The following DQX1 variants were observed in gnomAD, a reference collection of about 807,000 sequenced individuals.
The protein encoded by DQX1 is ATP-dependent RNA helicase homolog DQX1.
A neutral mutation model predicts 81.3 loss-of-function variants in DQX1; 66 were observed. The ratio of observed to expected loss-of-function variants is 0.81; its 90% CI spans 0.67 to 1.00. DQX1 has a LOEUF of 1.00. Among genes scored for constraint, DQX1 ranks in the 50% least tolerant of loss-of-function variants. The pLI is 0.00. For missense variants in DQX1, 798 were observed against 867.9 expected (o/e 0.92, Z 1.01); for synonymous variants, 290 against 350.0 (o/e 0.83, Z 1.91).
At chr2:74,521,616 C>A (rs574989383) in intron 8 of DQX1, among the ~76,000 whole-genome samples, 1 of 150,734 alleles carries the variant, frequency 6.6e-6, no homozygotes, top group African/African-American at 2.4e-5. Flanking sequence ...TGCCATTGCA[C>A]TCCAGCCTGG....
intron 6 of DQX1, 32 bp downstream of exon 6, chr2:74,523,087 T>C: frequency 1.2e-6 from 2 of 1,606,354 alleles, no homozygotes; most frequent in Non-Finnish European, 1.7e-6. Flanking sequence ...GACTCTTGGG[T>C]TTTTTATTTC....
intron 8 of DQX1, among the ~76,000 whole-genome samples, chr2:74,520,657 G>A (rs961999455): frequency 1.3e-5 from 2 of 151,836 alleles, no homozygotes; most frequent in South Asian, 2.1e-4. Context: ...AGGAAGAGTT[G>A]TGGGGTTTTT....
chr2:74,522,809 A>C, intron 7 of DQX1, 38 bp from the exon 8 acceptor site: 1 of 1,612,572 alleles, frequency 6.2e-7, no homozygotes, highest in African/African-American at 1.3e-5. Context: ...ATGAAGTTTC[A>C]GAACTGGGTG....
chr2:74,519,142 C>T lies in DQX1; in HGVS notation c.1895G>A (p.Ser632Asn), dbSNP rs780363773. The T allele has an allele frequency of 5.0e-6, 8 of 1,613,462 alleles. No homozygotes were observed. The highest frequency in any genetic ancestry group is 6.8e-6 in the Non-Finnish European group (8 of 1,179,744). The change falls in exon 11 of 12, where the codon AGC (serine) becomes AAC (asparagine). Residue 632 changes from serine to asparagine, a missense_variant. Coordinates refer to ENST00000404568, the MANE Select transcript of DQX1 (RefSeq NM_133637.3). ...TGGGGGTCTGGCAGGAGCTCTGCGG[C>T]TTCGGTAGCAGCAGTATGAGGAGAG... ...AQLSSYCCYRSRRAPARPPPW... is the reference protein window; with the variant it reads ...AQLSSYCCYRNRRAPARPPPW...
In DQX1 at chr2:74,525,830, A is replaced by C; in HGVS notation, c.-19-82T>G. The C allele has an allele frequency of 1.0e-6, 1 of 967,220 alleles. No homozygotes were observed. The highest frequency in any genetic ancestry group is 2.6e-5 in the East Asian group (1 of 37,962). 59.9% of individuals were successfully genotyped at this position (967,220 alleles called of 1,614,324 possible). A position where few individuals can be genotyped will look rare whatever the true frequency, so the allele number is the denominator to read the frequency against. ...ACCTCAGCCCTGATCCTTAACCTCTACCTTCAGTTGATCATGCTCTGGGGC... is the reference window on the plus strand; with the variant it reads ...ACCTCAGCCCTGATCCTTAACCTCTCCCTTCAGTTGATCATGCTCTGGGGC... On this transcript the variant is annotated intron_variant, in intron 1 of 11. Transcript: ENST00000404568. This position sits in a 1 kb window ranked among gnomAD's most constrained non-coding sequence, Gnocchi z 4.1.
Position 74,525,035 on chromosome 2 carries a change from G to C in DQX1, c.405C>G (p.Asp135Glu). ...HEVGYSIPQE[D>E]CTGPNTLLRF... ...TGAGCAGGGTGTTGGGCCCCGTGCAGTCCTCCTGGGGGATGCTGTATCCAA... is the reference window on the plus strand; with the variant it reads ...TGAGCAGGGTGTTGGGCCCCGTGCACTCCTCCTGGGGGATGCTGTATCCAA... Residue 135 changes from aspartate to glutamate, a missense_variant, in exon 3 of 12, where the codon GAC becomes GAG. Asp to Glu is a conservative substitution (Grantham distance 45). Transcript: ENST00000404568. This position sits in a 1 kb window ranked among gnomAD's most constrained non-coding sequence, Gnocchi z 4.1. 6.2e-7 allele frequency: 1 copy of C among 1,614,158 alleles called. No homozygotes were observed. The highest frequency in any genetic ancestry group is 8.5e-7 in the Non-Finnish European group (1 of 1,180,014).
chr2:74,519,479 T>G, intron 10 of DQX1, 77 bp downstream of exon 10: 1 of 1,545,734 alleles, frequency 6.5e-7, no homozygotes, highest in East Asian at 2.3e-5. Context: ...GACCCTGATT[T>G]CAAAGTGGCT....
intron 3 of DQX1, among the ~76,000 whole-genome samples, chr2:74,524,691 G>C (rs1675126160): frequency 6.6e-6 from 1 of 152,052 alleles, no homozygotes; most frequent in South Asian, 2.1e-4. Context: ...TTGAGCCCAG[G>C]AGTTTGAGAC....
chr2:74,525,144 G>T lies in DQX1; in HGVS notation c.296C>A (p.Thr99Asn), dbSNP rs946862981. ...LARGFQKGQV[T>N]VTQPYPLAAR... ...TGCAAGAGGGTAGGGCTGAGTAACAGTAACCTGTCCTTTCTGGAACCCTCT... is the reference window on the plus strand; with the variant it reads ...TGCAAGAGGGTAGGGCTGAGTAACATTAACCTGTCCTTTCTGGAACCCTCT... The change falls in exon 3 of 12, where the codon ACT (threonine) becomes AAT (asparagine). Residue 99 changes from threonine (T) to asparagine (N), a missense_variant. Transcript: ENST00000404568. The surrounding 1 kb of genome is among the most constrained non-coding windows in gnomAD (Gnocchi z 4.1). The T allele has an allele frequency of 6.2e-7, 1 of 1,612,884 alleles. No homozygotes were observed. The highest frequency in any genetic ancestry group is 1.3e-5 in the African/African-American group (1 of 74,868).
chr2:74,523,015 C>T lies in DQX1; in HGVS notation c.1145-1G>A, dbSNP rs780550990. 1.9e-5 allele frequency: 31 copies of T among 1,613,974 alleles called. 1 individual carries two copies. The South Asian group carries it at 3.3e-4, about 17-fold the overall frequency. ...TTAGGATACAGGCAGAGGCAGGATC[C>T]TGAGGGGAAAAAGACCTGGGAAAGA... is the stretch of plus-strand genomic sequence containing the variant. On this transcript the variant is annotated splice_acceptor_variant, in intron 6 of 11. Coordinates refer to ENST00000404568, the MANE Select transcript of DQX1 (RefSeq NM_133637.3). LOFTEE classifies it high-confidence loss of function.
In DQX1 at chr2:74,523,143, A is replaced by G. The variant is rs753250249; in HGVS notation, c.1120T>C (p.Leu374=). The change falls in exon 6 of 12, where the codon TTG becomes CTG. Residue 374 remains leucine (L), a synonymous_variant. Coordinates refer to ENST00000404568, the MANE Select transcript of DQX1 (RefSeq NM_133637.3). ...CCTGGTGGGAACCCTCTTGCTCGCA[A>G]TCGTCTTGCCTCTGCCTGACACTTG... The part of the protein sequence containing the change: ...ISKCQAEARR[L]RARGFPPGSC... The G allele has an allele frequency of 1.4e-5, 22 of 1,614,054 alleles. No homozygotes were observed. The highest frequency in any genetic ancestry group is 4.0e-5 in the African/African-American group (3 of 74,904).
intron 10 of DQX1, 52 bp from the exon 11 acceptor site, chr2:74,519,282 C>T: frequency 6.6e-7 from 1 of 1,506,692 alleles, no homozygotes; most frequent in East Asian, 2.3e-5. Context: ...AAGAGGCAGG[C>T]AGTAGAAAAA....
chr2:74,522,618 C>T lies in DQX1; in HGVS notation c.1457G>A (p.Cys486Tyr). ...KALLASCEFD[C>Y]VDEMLTLAAM... is the part of the protein sequence containing the mutation. ...AGCCAGGGTGAGCATCTCGTCCACACAGTCAAACTCGCATGAGGCCAGCAG... is the reference window on the plus strand; with the variant it reads ...AGCCAGGGTGAGCATCTCGTCCACATAGTCAAACTCGCATGAGGCCAGCAG... Residue 486 changes from cysteine to tyrosine, a missense_variant, in exon 8 of 12, where the codon TGT (cysteine) becomes TAT (tyrosine). Transcript: ENST00000404568. The T allele has an allele frequency of 6.2e-7, 1 of 1,614,128 alleles. No homozygotes were observed. Among genetic ancestry groups the T allele is most frequent in the Non-Finnish European group, 8.5e-7 (1 of 1,180,022 alleles).
At chr2:74,524,671 G>A (rs944374843) in intron 3 of DQX1, among the ~76,000 whole-genome samples, 1 of 152,084 alleles carries the variant, frequency 6.6e-6, no homozygotes, top group African/African-American at 2.4e-5. Context: ...GACCGAGGTG[G>A]GTGGATCACT....
At chr2:74,518,624 AGAT>A in intron 11 of DQX1, 22 bp from the exon 12 acceptor site, 1 of 1,610,948 alleles carries the variant, frequency 6.2e-7, no homozygotes, top group East Asian at 2.2e-5. Context: ...AGTCATAATT[AGAT>A]GATCTGCATC....
intron 8 of DQX1, among the ~76,000 whole-genome samples, chr2:74,520,485 T>C (rs74834495): frequency 0.032 from 4,814 of 152,186 alleles, 252 homozygotes; most frequent in African/African-American, 0.11. Flanking sequence ...GTTAATAATA[T>C]AGCATATTTG....
In DQX1 at chr2:74,525,176, C is replaced by G. The variant is rs752201674; in HGVS notation, c.264G>C (p.Ala88=). 1 of 1,596,924 alleles carries G rather than the reference C, an allele frequency of 6.3e-7. No homozygotes were observed. Among genetic ancestry groups the G allele is most frequent in the Non-Finnish European group, 8.5e-7 (1 of 1,170,282 alleles). ...TQIPQWCAEF[A]LARGFQKGQV... is the part of the protein sequence containing the mutation. ...GTCCTTTCTGGAACCCTCTGGCCAG[C>G]GCAAACTCTGCACACCACTGAGGGA... Residue 88 remains alanine (A), a synonymous_variant, in exon 3 of 12, where the codon GCG becomes GCC. Transcript: ENST00000404568. This position sits in a 1 kb window ranked among gnomAD's most constrained non-coding sequence, Gnocchi z 4.1.
chr2:74,526,101 G>C (rs1675174844), intron 1 of DQX1, 35 bp downstream of exon 1: 2 of 221,296 alleles, frequency 9.0e-6, no homozygotes, highest in Non-Finnish European at 1.8e-5. Flanking sequence ...GGTGGGGAGA[G>C]GAACAGCAGA....
In DQX1 at chr2:74,519,756, G is replaced by A; in HGVS notation, c.1616-10C>T. 1.2e-6 allele frequency: 2 copies of A among 1,613,876 alleles called. No homozygotes were observed. The highest frequency in any genetic ancestry group is 2.2e-5 in the East Asian group (1 of 44,880). On this transcript the variant is annotated splice_polypyrimidine_tract_variant and intron_variant, in intron 9 of 11. Transcript: ENST00000404568. ...GCCTCATCTGCTCCACCTAGGAGAGGAAAGGGACCAGCTAAACTAAAGTCC... is the reference window on the plus strand; with the variant it reads ...GCCTCATCTGCTCCACCTAGGAGAGAAAAGGGACCAGCTAAACTAAAGTCC...
Sources: allele counts gnomAD v4.1 joint callset (sites outside exome capture counted in the v4.1 genomes callset), GRCh38; gene constraint gnomAD v4.1.1; non-coding constraint Gnocchi (gnomAD v3.1); transcripts MANE v1.5; gene names NCBI Gene and HGNC (gene_info 2026-07-23, HGNC 2026-07-21).